SIRT3: variants seen among roughly 807,000 people sequenced by gnomAD.
SIRT3 encodes NAD-dependent protein deacetylase sirtuin-3, mitochondrial.
In SIRT3, 26 loss-of-function variants were observed where a neutral mutation model predicts 33.5. The observed-to-expected ratio is 0.78, with a 90% CI of 0.57 to 1.08. SIRT3 has a LOEUF of 1.08. Among genes scored for constraint, SIRT3 ranks in the 50% least tolerant of loss-of-function variants. The probability of loss-of-function intolerance (pLI) is 0.00; values close to 1 mark genes in which losing one functional copy is unlikely to be tolerated. For synonymous variants in SIRT3, 237 were observed against 222.1 expected (o/e 1.07, Z -0.60); for missense variants, 585 against 530.1 (o/e 1.10, Z -1.02).
At chr11:218,685 G>A (rs990165925) in intron 6 of SIRT3, 147 bp downstream of exon 6, 2 of 1,419,072 alleles carry the variant, frequency 1.4e-6, no homozygotes, top group South Asian at 1.3e-5. Flanking sequence ...CACCCAGTCA[G>A]GTCCAGGTAG....
At position 223,518 on chromosome 11, in the gene SIRT3, T is replaced by A. The variant is rs576334445; in HGVS notation, c.969+560A>T. The A allele has an allele frequency of 4.3e-5, 15 of 346,032 alleles. No individual in the cohort carries two copies. The East Asian group carries it at 1.2e-3, about 27-fold the overall frequency. 21.4% of individuals were successfully genotyped at this position (346,032 alleles called of 1,614,324 possible). On this transcript the variant is annotated intron_variant, in intron 5 of 6. Transcript: ENST00000382743. This position sits in a 1 kb window ranked among gnomAD's most constrained non-coding sequence, Gnocchi z 4.8. ...CCCTGACCCCAAGGGTGCAGCTACG[T>A]CCCCGGGCCAGTCCCTGTGGATTTA...
intron 1 of SIRT3, 77 bp downstream of exon 1, chr11:235,971 A>G (rs775844454): frequency 7.2e-7 from 1 of 1,387,788 alleles, no homozygotes; most frequent in Non-Finnish European, 9.4e-7. Flanking sequence ...CCGCAAAGGA[A>G]ACACGGCAAG....
Position 230,470 on chromosome 11 carries a change from G to A in SIRT3, c.789C>T (p.Phe263=), listed in dbSNP as rs779440605. 17 of 1,499,168 alleles carry A rather than the reference G, an allele frequency of 1.1e-5. No homozygotes were observed. The highest frequency in any genetic ancestry group is 1.4e-5 in the Non-Finnish European group (16 of 1,120,268). 92.9% of individuals were successfully genotyped at this position (1,499,168 alleles called of 1,614,324 possible). A position where few individuals can be genotyped will look rare whatever the true frequency, so the allele number is the denominator to read the frequency against. Residue 263 remains phenylalanine, a synonymous_variant, in exon 4 of 7, where the codon TTC becomes TTT. Coordinates refer to ENST00000382743, the MANE Select transcript of SIRT3 (RefSeq NM_012239.6). The stretch of plus-strand genomic sequence containing the variant: ...AACTCACCCGAATGTCCTCCCCTGG[G>A]AAGGGTCTTTGGCAGACTGTGCAGG... ...SATCTVCQRP[F]PGEDIRADVM...
At chr11:236,394 CTCCCA>C, upstream of SIRT3, 1 of 223,280 alleles carries the variant, frequency 4.5e-6, no homozygotes, top group Non-Finnish European at 6.2e-6. Context: ...CCGCCTCCGC[CTCCCA>C]CCCCCGCCCC....
intron 3 of SIRT3, among the ~76,000 whole-genome samples, chr11:232,128 ATTT>A (rs887987656): frequency 2.6e-5 from 4 of 151,036 alleles, no homozygotes; most frequent in African/African-American, 9.7e-5. Context: ...ATTTTTATTT[ATTT>A]TTTTGAGACA....
rs1858398474 is a variant in SIRT3 at position 233,414 on chromosome 11, G to T, written c.402C>A (p.Ala134=). The T allele has an allele frequency of 6.2e-7, 1 of 1,613,854 alleles. No individual in the cohort carries two copies. Among genetic ancestry groups the T allele is most frequent in the African/African-American group, 1.3e-5 (1 of 74,826 alleles). The change falls in exon 2 of 7, where the codon GCC becomes GCA. Residue 134 remains alanine (A), a synonymous_variant. Coordinates refer to ENST00000382743, the MANE Select transcript of SIRT3 (RefSeq NM_012239.6). ...SLQDVAELIR[A]RACQRVVVMV... ...TGACCACCACCCTCTGGCAGGCTCT[G>T]GCCCGAATCAGCTCAGCTACATCCT...
chr11:223,633 T>G lies in SIRT3; in HGVS notation c.969+445A>C. The G allele has an allele frequency of 1.1e-5, 4 of 351,926 alleles. No individual in the cohort carries two copies. Among genetic ancestry groups the G allele is most frequent in the Non-Finnish European group, 1.7e-5 (3 of 178,534 alleles). 21.8% of individuals were successfully genotyped at this position (351,926 alleles called of 1,614,324 possible). A position where few individuals can be genotyped will look rare whatever the true frequency, so the allele number is the denominator to read the frequency against. On this transcript the variant is annotated intron_variant, in intron 5 of 6. Transcript: ENST00000382743. The surrounding 1 kb of genome is among the most constrained non-coding windows in gnomAD (Gnocchi z 4.8). ...GCCCCCACACCCCCATCCTTCTCCCTTCTCCTCACACGTGGTGCCCCACCC... is the reference window on the plus strand; with the variant it reads ...GCCCCCACACCCCCATCCTTCTCCCGTCTCCTCACACGTGGTGCCCCACCC...
rs1272363521 is a variant in SIRT3, at chr11:220,286, C to T, written c.970-1245G>A. 4.3e-5 allele frequency among the ~76,000 whole-genome samples: 6 copies of T among 139,644 alleles called. No individual in the cohort carries two copies. In the East Asian group the frequency reaches 8.7e-4, roughly 20 times the overall value. 91.6% of individuals were successfully genotyped at this position (139,644 alleles called of 152,430 possible). ...TGGAGGTTGCAGTGAGCCGAGATCG[C>T]GCCACTGAACCTCCAGCCTGGGAGA... On this transcript the variant is annotated intron_variant, in intron 5 of 6. Coordinates refer to ENST00000382743, the MANE Select transcript of SIRT3 (RefSeq NM_012239.6).
chr11:235,828 A>G (rs1424919360), intron 1 of SIRT3, among the ~76,000 whole-genome samples: 1 of 152,264 alleles, frequency 6.6e-6, no homozygotes, highest in African/African-American at 2.4e-5. Flanking sequence ...CATGATGCAC[A>G]ATAACTAAAG....
intron 6 of SIRT3, among the ~76,000 whole-genome samples, chr11:218,306 G>A (rs1038857430): frequency 2.0e-5 from 3 of 152,352 alleles, no homozygotes; most frequent in Admixed American, 1.3e-4. Context: ...TGCATTTTCT[G>A]TAACTTCACT....
chr11:220,578 A>G (rs1043553049), intron 5 of SIRT3, among the ~76,000 whole-genome samples: 2 of 152,150 alleles, frequency 1.3e-5, no homozygotes, highest in African/African-American at 4.8e-5. Flanking sequence ...ACACACATGC[A>G]TTTTTTAACC....
At chr11:221,621 C>A (rs544219006) in intron 5 of SIRT3, among the ~76,000 whole-genome samples, 15 of 152,280 alleles carry the variant, frequency 9.9e-5, no homozygotes, top group African/African-American at 3.4e-4. Flanking sequence ...GAGTGGTACT[C>A]CACAGTCAAA....
At chr11:225,207 A>G (rs1011142205) in intron 4 of SIRT3, among the ~76,000 whole-genome samples, 2 of 152,098 alleles carry the variant, frequency 1.3e-5, no homozygotes, top group African/African-American at 4.8e-5. Context: ...AGGTCAGGAG[A>G]TCGAGACTGT....
At chr11:232,935 G>T (rs377664598) in intron 3 of SIRT3, 48 bp downstream of exon 3, 45 of 1,574,420 alleles carry the variant, frequency 2.9e-5, no homozygotes, top group Non-Finnish European at 3.9e-5. Flanking sequence ...ACAGGCACCC[G>T]AGCCTCCGTG....
At chr11:235,935 G>A (rs1590232490) in intron 1 of SIRT3, 113 bp downstream of exon 1, 4 of 1,215,974 alleles carry the variant, frequency 3.3e-6, no homozygotes, top group Non-Finnish European at 4.4e-6. Flanking sequence ...CCCCGGTGTT[G>A]GAACGCACGT....
chr11:232,927 A>G, intron 3 of SIRT3, 56 bp downstream of exon 3: 1 of 1,547,316 alleles, frequency 6.5e-7, no homozygotes, highest in Non-Finnish European at 8.9e-7. Context: ...TGGGAGAAAC[A>G]GGCACCCGAG....
chr11:219,814 A>C (rs1856181196), intron 5 of SIRT3, among the ~76,000 whole-genome samples: 1 of 152,234 alleles, frequency 6.6e-6, no homozygotes, highest in African/African-American at 2.4e-5. Context: ...AACTGAAGTC[A>C]GATAAGGCAA....
chr11:236,140 CG>C lies in SIRT3; in HGVS notation c.188del (p.Pro63ArgfsTer66), dbSNP rs1342415427. Reference sequence around the variant, plus strand: ...TGGGAGGCCTCTGCAAGGGGCGCGCCGGGTCCAAGGGCTCACCGCGGGCCCC... The same window carrying C: ...TGGGAGGCCTCTGCAAGGGGCGCGCCGGTCCAAGGGCTCACCGCGGGCCCC... Reference protein sequence around the residue: ...SHGARGEPLDPARPLQRPPRP... With the variant: ...SHGARGEPLDXARPLQRPPRP... On this transcript the variant is annotated frameshift_variant, in exon 1 of 7. Coordinates refer to ENST00000382743, the MANE Select transcript of SIRT3 (RefSeq NM_012239.6). LOFTEE classifies it high-confidence loss of function. 6.4e-7 allele frequency: 1 copy of C among 1,573,834 alleles called. No homozygotes were observed. Among genetic ancestry groups the C allele is most frequent in the African/African-American group, 1.4e-5 (1 of 73,702 alleles).
intron 3 of SIRT3, among the ~76,000 whole-genome samples, chr11:232,109 ATTATTT>A (rs1174104789): frequency 6.6e-6 from 1 of 151,444 alleles, no homozygotes; most frequent in Non-Finnish European, 1.5e-5. Context: ...TTATTTTTTA[ATTATTT>A]TTATTTTTAT....
Sources: gnomAD v4.1 joint callset for allele counts (sites outside exome capture counted in the v4.1 genomes callset) on GRCh38, gnomAD v4.1.1 for gene constraint, Gnocchi (gnomAD v3.1) non-coding constraint, MANE v1.5 for transcripts, NCBI Gene and HGNC (gene_info 2026-07-23, HGNC 2026-07-21) for gene names.